Variants in FAM98B observed in about 807,000 individuals in gnomAD.
FAM98B encodes the protein tRNA splicing ligase complex subunit 3B.
FAM98B carries 32 observed loss-of-function variants against 43.9 expected under a neutral mutation model. The observed-to-expected ratio is 0.73, with a 90% CI of 0.55 to 0.98. The LOEUF is 0.98. FAM98B is among the 50% of genes least tolerant of loss of function. FAM98B has a pLI of 0.00. For synonymous variants in FAM98B, 190 were observed against 174.0 expected, an observed-to-expected ratio of 1.09 and a Z score of -0.72; for missense variants, 514 against 522.9, an observed-to-expected ratio of 0.98 and a Z score of 0.17.
intron 7 of FAM98B, 189 bp downstream of exon 7, chr15:38,481,648 C>T: frequency 8.1e-6 from 12 of 1,476,084 alleles, no homozygotes; most frequent in Non-Finnish European, 9.9e-6. Context: ...TTTGTGTATT[C>T]ATAAATCAAA....
chr15:38,456,470 G>A (rs934038569), intron 1 of FAM98B, among the ~76,000 whole-genome samples: 1 of 152,188 alleles, frequency 6.6e-6, no homozygotes, highest in Non-Finnish European at 1.5e-5. Context: ...AATATTTATT[G>A]AACACACTGT....
chr15:38,467,989 A>G (rs1938368093), intron 3 of FAM98B, among the ~76,000 whole-genome samples: 1 of 152,164 alleles, frequency 6.6e-6, no homozygotes, highest in African/African-American at 2.4e-5. Flanking sequence ...ACATGCCTAA[A>G]AGGATACCCA....
At chr15:38,469,016 C>T (rs1890082247) in intron 3 of FAM98B, among the ~76,000 whole-genome samples, 2 of 152,204 alleles carry the variant, frequency 1.3e-5, no homozygotes, top group African/African-American at 4.8e-5. Context: ...AGCAATTCTC[C>T]TGCCTCAGCC....
chr15:38,486,125 T>C lies in FAM98B; in HGVS notation c.*1466T>C, dbSNP rs1314157410. On this transcript the variant is annotated 3_prime_UTR_variant, in exon 8 of 8. Coordinates refer to ENST00000397609, the MANE Select transcript of FAM98B (RefSeq NM_173611.4). Reference sequence around the variant, plus strand: ...AAACCCTAAAAGTAACTATTGAATATTCTGTAATCTTAGACATGTATTTTT... The same window carrying C: ...AAACCCTAAAAGTAACTATTGAATACTCTGTAATCTTAGACATGTATTTTT... 1 of 152,164 alleles carries C rather than the reference T, an allele frequency of 6.6e-6. No individual in the cohort carries two copies. The highest frequency in any genetic ancestry group is 2.4e-5 in the African/African-American group (1 of 41,458). The allele number at this position is 152,164 out of a possible 1,614,324, so 9.4% of individuals were successfully genotyped here. A position where few individuals can be genotyped will look rare whatever the true frequency, so the allele number is the denominator to read the frequency against.
intron 2 of FAM98B, 90 bp downstream of exon 2, chr15:38,464,267 C>G: frequency 8.0e-7 from 1 of 1,245,460 alleles, no homozygotes; most frequent in South Asian, 2.5e-5. Context: ...GCCCACTGTA[C>G]AAAGAAAAAT....
At chr15:38,456,309 C>T (rs1889847767) in intron 1 of FAM98B, among the ~76,000 whole-genome samples, 1 of 152,196 alleles carries the variant, frequency 6.6e-6, no homozygotes, top group Non-Finnish European at 1.5e-5. Context: ...ACATCAGAGT[C>T]GTGTGGAACT....
rs115409568 is a variant in FAM98B, at chr15:38,471,575, G to A, written c.531+1170G>A. Among the ~76,000 whole-genome samples, 265 of 152,006 alleles carry A rather than the reference G, an allele frequency of 1.7e-3. 2 individuals carry two copies. The highest frequency in any genetic ancestry group is 6.0e-3 in the African/African-American group (250 of 41,502). ...TACTTGAAGTAGTCTGTAATGCCTC[G>A]GTTCAAATACTGGCATACTAATTAT... On this transcript the variant is annotated intron_variant, in intron 4 of 7. Transcript: ENST00000397609.
At chr15:38,481,502 TCTTA>T (rs777361855) in intron 7 of FAM98B, 43 bp downstream of exon 7, 3 of 1,614,128 alleles carry the variant, frequency 1.9e-6, no homozygotes, top group African/African-American at 1.3e-5. Flanking sequence ...ATTGATGATA[TCTTA>T]CTTAATGTTT....
intron 7 of FAM98B, 59 bp downstream of exon 7, chr15:38,481,518 TA>T (rs1443371172): frequency 6.2e-7 from 1 of 1,613,954 alleles, no homozygotes; most frequent in African/African-American, 1.3e-5. Context: ...TTAATGTTTT[TA>T]CAGATTTTAG....
chr15:38,462,335 A>G (rs1889962568), intron 1 of FAM98B, among the ~76,000 whole-genome samples: 1 of 152,160 alleles, frequency 6.6e-6, no homozygotes, highest in African/African-American at 2.4e-5. Context: ...TGCAAACTAG[A>G]TTTTTCTGAT....
chr15:38,461,169 TTTC>T (rs1344550805), intron 1 of FAM98B, among the ~76,000 whole-genome samples: 1 of 149,508 alleles, frequency 6.7e-6, no homozygotes, highest in Non-Finnish European at 1.5e-5. Flanking sequence ...ATGAATTAAA[TTTC>T]TTCAAGAGTT....
intron 3 of FAM98B, among the ~76,000 whole-genome samples, chr15:38,467,023 A>G (rs1890045294): frequency 6.6e-6 from 1 of 152,196 alleles, no homozygotes; most frequent in South Asian, 2.1e-4. Context: ...TTGACATAAC[A>G]TTATGTGTAA....
At chr15:38,481,034 T>TTA (rs1199488659) in intron 6 of FAM98B, among the ~76,000 whole-genome samples, 2 of 152,124 alleles carry the variant, frequency 1.3e-5, no homozygotes, top group Non-Finnish European at 2.9e-5. Flanking sequence ...AGGTATTTTT[T>TTA]GTTAATATGT....
rs139669477 is a variant in FAM98B at position 38,473,505 on chromosome 15, G to A, written c.532G>A (p.Val178Met). ...CACAATCTTTTATATTTACTTTTAG[G>A]TGAAAGATATTCTCTCAAAGGTCCA... ...PHMLNQVESK[V>M]KDILSKVQKN... The change falls in exon 5 of 8, where the codon GTG (valine) becomes ATG (methionine). Residue 178 changes from valine to methionine, a missense_variant and splice_region_variant. By Grantham distance (21) the Val-to-Met change is conservative. Coordinates refer to ENST00000397609, the MANE Select transcript of FAM98B (RefSeq NM_173611.4). 9.4e-6 allele frequency: 15 copies of A among 1,594,808 alleles called. No individual in the cohort carries two copies. Among genetic ancestry groups the A allele is most frequent in the Non-Finnish European group, 1.3e-5 (15 of 1,170,148 alleles).
chr15:38,475,696 C>A (rs958963111), intron 6 of FAM98B, among the ~76,000 whole-genome samples: 8 of 152,164 alleles, frequency 5.3e-5, no homozygotes, highest in African/African-American at 1.9e-4. Flanking sequence ...TACAGAATAA[C>A]CTCTCCATCT....
intron 7 of FAM98B, chr15:38,483,680 A>AG (rs1180959029): frequency 6.5e-5 from 3 of 45,834 alleles, no homozygotes; most frequent in African/African-American, 3.1e-4. Flanking sequence ...AAAAAAAAAA[A>AG]AAAAATATAT....
At chr15:38,478,862 A>G (rs1165711444) in intron 6 of FAM98B, among the ~76,000 whole-genome samples, 1 of 152,250 alleles carries the variant, frequency 6.6e-6, no homozygotes, top group Non-Finnish European at 1.5e-5. Context: ...TTCACTAAAT[A>G]TATTGTAACC....
intron 4 of FAM98B, among the ~76,000 whole-genome samples, chr15:38,471,067 A>G (rs1890124588): frequency 6.6e-6 from 1 of 151,944 alleles, no homozygotes; most frequent in South Asian, 2.1e-4. Context: ...TTTGTTAAAT[A>G]TGCAGTCCTC....
rs1265948715 is a variant in FAM98B at position 38,463,626 on chromosome 15, CTG to C, written c.72-403_72-402del. ...GCTTTTTTAAATTTGTAATTTGTGT[CTG>C]TGCTTTTTTCACCATATTTTTATTG... On this transcript the variant is annotated intron_variant, in intron 1 of 7. Transcript: ENST00000397609. 4.0e-5 allele frequency among the ~76,000 whole-genome samples: 6 copies of C among 151,804 alleles called. 1 individual carries two copies. The South Asian group carries it at 6.2e-4, about 16-fold the overall frequency.
Sources: gnomAD v4.1 joint callset for allele counts (sites outside exome capture counted in the v4.1 genomes callset) on GRCh38, gnomAD v4.1.1 for gene constraint, MANE v1.5 for transcripts, NCBI Gene and HGNC (gene_info 2026-07-23, HGNC 2026-07-21) for gene names.